The following ITPR2 variants were observed in gnomAD, a reference collection of about 807,000 sequenced individuals.
ITPR2 encodes inositol 1,4,5-trisphosphate-gated calcium channel ITPR2.
Under a neutral mutation model 317.1 loss-of-function variants are expected in ITPR2, and 207 were observed. The observed-to-expected ratio is 0.65, with a 90% CI of 0.58 to 0.73. ITPR2 has a LOEUF of 0.73. Ranked by LOEUF, ITPR2 falls within the 30% of genes least tolerant of loss-of-function variation. ITPR2 has a pLI of 0.00. For synonymous variants in ITPR2, 1,156 were observed against 1,149.1 expected (o/e 1.01, Z -0.12); for missense variants, 2,613 against 3,284.0 (o/e 0.80, Z 4.99).
chr12:26,673,488 T>C (rs1198753609), intron 13 of ITPR2, among the ~76,000 whole-genome samples: 2 of 151,958 alleles, frequency 1.3e-5, no homozygotes, highest in African/African-American at 4.8e-5. Flanking sequence ...TTGACAAAAT[T>C]CAACAACCCT....
chr12:26,537,198 T>A (rs778622779), intron 37 of ITPR2, among the ~76,000 whole-genome samples: 1 of 152,194 alleles, frequency 6.6e-6, no homozygotes. Context: ...CTGTACATTT[T>A]GTGCATTAAC....
intron 49 of ITPR2, among the ~76,000 whole-genome samples, chr12:26,420,116 C>T (rs891563646): frequency 3.3e-5 from 5 of 152,110 alleles, no homozygotes; most frequent in Admixed American, 1.3e-4. Flanking sequence ...GCAATAATAA[C>T]GATGTGTGTG....
At chr12:26,772,438 GTATTATATA>G (rs1478261965) in intron 2 of ITPR2, among the ~76,000 whole-genome samples, 6 of 75,302 alleles carry the variant, frequency 8.0e-5, no homozygotes, top group South Asian at 7.2e-4. Flanking sequence ...TATAATACAT[GTATTATATA>G]TATTATATAT....
Position 26,622,397 on chromosome 12 carries a change from T to G in ITPR2, c.3131A>C (p.Lys1044Thr). The G allele has an allele frequency of 6.2e-7, 1 of 1,600,850 alleles. No homozygotes were observed. The highest frequency in any genetic ancestry group is 8.5e-7 in the Non-Finnish European group (1 of 1,175,390). The change falls in exon 25 of 57, where the codon AAA becomes ACA. Residue 1044 changes from lysine (K) to threonine (T), a missense_variant. Transcript: ENST00000381340. Reference protein sequence around the residue: ...AETMFAGRKEKNPVQLDDEGG... With the variant: ...AETMFAGRKETNPVQLDDEGG... The stretch of plus-strand genomic sequence containing the variant: ...TTCATCGTCAAGTTGAACTGGATTT[T>G]TTTCTTTTCTATAAAACCAAAAACA...
intron 2 of ITPR2, among the ~76,000 whole-genome samples, chr12:26,765,846 C>A (rs889107185): frequency 6.6e-5 from 10 of 152,144 alleles, no homozygotes; most frequent in Non-Finnish European, 1.2e-4. Context: ...ATTTCTGTCT[C>A]TACAGATTTG....
At chr12:26,557,389 T>A (rs1385689868) in intron 35 of ITPR2, among the ~76,000 whole-genome samples, 1 of 152,192 alleles carries the variant, frequency 6.6e-6, no homozygotes, top group Non-Finnish European at 1.5e-5. Context: ...GGCATGGTTA[T>A]CCCATTTCCG....
At chr12:26,669,845 G>A (rs572641890) in intron 13 of ITPR2, among the ~76,000 whole-genome samples, 11 of 152,232 alleles carry the variant, frequency 7.2e-5, no homozygotes, top group Admixed American at 6.5e-4. Context: ...ACTCCCACCC[G>A]AGTACTGCGC....
intron 2 of ITPR2, among the ~76,000 whole-genome samples, chr12:26,758,349 A>G (rs1046433382): frequency 3.3e-5 from 5 of 152,234 alleles, no homozygotes; most frequent in African/African-American, 9.6e-5. Context: ...ATGTGTGTTA[A>G]TGTTCACTCA....
At chr12:26,672,101 G>A (rs1418438147) in intron 13 of ITPR2, among the ~76,000 whole-genome samples, 1 of 152,074 alleles carries the variant, frequency 6.6e-6, no homozygotes, top group African/African-American at 2.4e-5. Context: ...ATTAATAATG[G>A]GAGATGTTAA....
chr12:26,529,237 A>C (rs1036023879), intron 37 of ITPR2, among the ~76,000 whole-genome samples: 1 of 152,196 alleles, frequency 6.6e-6, no homozygotes, highest in Non-Finnish European at 1.5e-5. Flanking sequence ...TGAGAAACTC[A>C]GACAACATCA....
At chr12:26,757,219 CT>C (rs534956309) in intron 2 of ITPR2, among the ~76,000 whole-genome samples, 4,936 of 143,622 alleles carry the variant, frequency 0.034, 258 homozygotes, top group African/African-American at 0.11. Context: ...CCTTTACTTT[CT>C]TTTTTTTTTT....
Position 26,508,845 on chromosome 12 carries a change from A to G in ITPR2, c.5074-13585T>C, listed in dbSNP as rs538821482. Among the ~76,000 whole-genome samples, 89 of 152,296 alleles carry G rather than the reference A, an allele frequency of 5.8e-4. 1 individual carries two copies. The highest frequency in any genetic ancestry group is 2.1e-3 in the African/African-American group (87 of 41,562). ...ATGGTGCAGCCACTTGGCAGTTCCAAAAAATTAAACGTAGAGTTACCATAC... is the reference window on the plus strand; with the variant it reads ...ATGGTGCAGCCACTTGGCAGTTCCAGAAAATTAAACGTAGAGTTACCATAC... On this transcript the variant is annotated intron_variant, in intron 37 of 56. Transcript: ENST00000381340.
At chr12:26,715,724 G>T in intron 7 of ITPR2, 28 bp downstream of exon 7, 1 of 1,372,258 alleles carries the variant, frequency 7.3e-7, no homozygotes, top group Non-Finnish European at 1.0e-6. Flanking sequence ...ATTTCTCCCA[G>T]CAAATGTCCT....
intron 13 of ITPR2, among the ~76,000 whole-genome samples, chr12:26,677,448 A>G (rs1044502720): frequency 6.6e-6 from 1 of 152,018 alleles, no homozygotes; most frequent in African/African-American, 2.4e-5. Context: ...AAAATCCAAA[A>G]AATTAGCTGG....
Position 26,494,654 on chromosome 12 carries a change from CA to C in ITPR2, c.5183-315del, listed in dbSNP as rs560315444. On this transcript the variant is annotated intron_variant, in intron 38 of 56. Coordinates refer to ENST00000381340, the MANE Select transcript of ITPR2 (RefSeq NM_002223.4). The stretch of plus-strand genomic sequence containing the variant: ...GCGTGGTGGCACATGACTGTAATCA[CA>C]GCTACTTGGGAGGCTGAGGCAGGAG... 4.5e-3 allele frequency among the ~76,000 whole-genome samples: 683 copies of C among 150,548 alleles called. 2 individuals carry two copies. Among genetic ancestry groups the C allele is most frequent in the African/African-American group, 0.016 (655 of 41,128 alleles).
chr12:26,384,587 G>C (rs1939612707), intron 55 of ITPR2, among the ~76,000 whole-genome samples: 1 of 152,218 alleles, frequency 6.6e-6, no homozygotes, highest in Non-Finnish European at 1.5e-5. Flanking sequence ...TCAAGTACAA[G>C]TGCCTGGTAA....
chr12:26,374,563 T>G (rs567403967), intron 55 of ITPR2, among the ~76,000 whole-genome samples: 58 of 152,372 alleles, frequency 3.8e-4, no homozygotes, highest in African/African-American at 1.2e-3. Flanking sequence ...TTAGCCATAT[T>G]ATTTATTTAG....
intron 37 of ITPR2, among the ~76,000 whole-genome samples, chr12:26,545,869 A>G (rs1944381370): frequency 6.6e-6 from 1 of 152,116 alleles, no homozygotes; most frequent in Admixed American, 6.5e-5. Context: ...TGGAGTCCCA[A>G]CTCATTCCCA....
At chr12:26,352,745 T>A (rs1938521479) in intron 55 of ITPR2, among the ~76,000 whole-genome samples, 1 of 152,220 alleles carries the variant, frequency 6.6e-6, no homozygotes, top group Non-Finnish European at 1.5e-5. Flanking sequence ...GCATGATTAA[T>A]GTGAACAGAC....
Sources: allele counts gnomAD v4.1 joint callset (sites outside exome capture counted in the v4.1 genomes callset), GRCh38; gene constraint gnomAD v4.1.1; transcripts MANE v1.5; gene names NCBI Gene and HGNC (gene_info 2026-07-23, HGNC 2026-07-21).